KLRG2: variants seen among roughly 807,000 people sequenced by gnomAD.
KLRG2 encodes the protein killer cell lectin like receptor G2.
A neutral mutation model predicts 35.4 loss-of-function variants in KLRG2; 39 were observed. The ratio of observed to expected loss-of-function variants is 1.10; its 90% CI spans 0.85 to 1.44. The LOEUF (loss-of-function observed/expected upper bound fraction) is 1.44. Ranked by LOEUF, KLRG2 falls within the 40% of genes most tolerant of loss-of-function variation. The pLI is 0.00. For synonymous variants in KLRG2, 283 were observed against 265.8 expected (o/e 1.06, Z -0.63); for missense variants, 632 against 570.9 (o/e 1.11, Z -1.09).
chr7:139,434,934 CACA>C, the KLRG2 span, among the ~76,000 whole-genome samples: 1 of 152,166 alleles, frequency 6.6e-6, no homozygotes, highest in Non-Finnish European at 1.5e-5. Flanking sequence ...CTTCGTCCTT[CACA>C]ACAATAAATC....
chr7:139,438,214 G>T, the KLRG2 span, among the ~76,000 whole-genome samples: 1 of 152,204 alleles, frequency 6.6e-6, no homozygotes, highest in Admixed American at 6.6e-5. Context: ...AAACAAACGT[G>T]TATTGTTCAG....
At chr7:139,442,592 T>A in the KLRG2 span, among the ~76,000 whole-genome samples, 1 of 152,166 alleles carries the variant, frequency 6.6e-6, no homozygotes, top group African/African-American at 2.4e-5. Context: ...ATGCCTGTAA[T>A]CCCAGCACTT....
At chr7:139,440,533 A>T in the KLRG2 span, among the ~76,000 whole-genome samples, 1 of 149,996 alleles carries the variant, frequency 6.7e-6, no homozygotes, top group African/African-American at 2.5e-5. Context: ...TTGGGATTAC[A>T]GGTGTGAGCT....
chr7:139,480,186 T>A lies in KLRG2; in HGVS notation c.819A>T (p.Ala273=). The A allele has an allele frequency of 6.2e-7, 1 of 1,613,754 alleles. No homozygotes were observed. The change falls in exon 2 of 5, where the codon GCA becomes GCT. Residue 273 remains alanine, a synonymous_variant. Coordinates refer to ENST00000340940, the MANE Select transcript of KLRG2 (RefSeq NM_198508.4). ...WALAFMAVLL[A]VSGVVIVVLA... is the part of the protein sequence containing the mutation. ...GGACCACAATGACAACCCCAGAGAC[T>A]GCCAGGAGCACAGCCATGAACGCCA...
chr7:139,468,747 GT>G (rs1252899169), intron 3 of KLRG2, among the ~76,000 whole-genome samples: 3 of 152,226 alleles, frequency 2.0e-5, no homozygotes, highest in Non-Finnish European at 4.4e-5. Flanking sequence ...TTCCGTAAGT[GT>G]GACGGGATGA....
At chr7:139,479,556 T>G in intron 3 of KLRG2, 71 bp downstream of exon 3, 1 of 1,457,658 alleles carries the variant, frequency 6.9e-7, no homozygotes, top group South Asian at 1.2e-5. Context: ...ATCATTAAGC[T>G]TCTTTCCAGT....
At chr7:139,465,064 C>A (rs1249397848) in intron 3 of KLRG2, among the ~76,000 whole-genome samples, 1 of 152,178 alleles carries the variant, frequency 6.6e-6, no homozygotes, top group Non-Finnish European at 1.5e-5. Context: ...TCACCCTGAA[C>A]ACACTTGGTT....
In KLRG2 at chr7:139,482,876, G is replaced by A; in HGVS notation, c.757+10C>T. On this transcript the variant is annotated intron_variant, in intron 1 of 4. Transcript: ENST00000340940. ...GGCGGCGTCGGCTGCCGGCGCAGGT[G>A]AGCACTCACCCGTAAGCGTTACGGC... 1 of 1,435,274 alleles carries A rather than the reference G, an allele frequency of 7.0e-7. No homozygotes were observed. Among genetic ancestry groups the A allele is most frequent in the Non-Finnish European group, 9.1e-7 (1 of 1,103,624 alleles). The allele number at this position is 1,435,274 out of a possible 1,614,324, so 88.9% of individuals were successfully genotyped here.
At chr7:139,477,833 A>G (rs113267353) in intron 3 of KLRG2, among the ~76,000 whole-genome samples, 5 of 151,676 alleles carry the variant, frequency 3.3e-5, no homozygotes, top group African/African-American at 1.2e-4. Flanking sequence ...ATCTCGGCTC[A>G]CTGCAAGCTC....
At chr7:139,466,834 C>G (rs765010476) in intron 3 of KLRG2, among the ~76,000 whole-genome samples, 88 of 142,416 alleles carry the variant, frequency 6.2e-4, no homozygotes, top group Non-Finnish European at 1.0e-3. Context: ...TGGTATATGA[C>G]AACATAAAAA....
At chr7:139,482,792 G>C in intron 1 of KLRG2, 94 bp downstream of exon 1, 5 of 1,182,158 alleles carry the variant, frequency 4.2e-6, no homozygotes, top group Non-Finnish European at 3.3e-6. Context: ...TAGTCGGTCA[G>C]CTGCCCAGCG....
chr7:139,482,951 G>T lies in KLRG2; in HGVS notation c.692C>A (p.Ala231Glu). 1 of 1,475,772 alleles carries T rather than the reference G, an allele frequency of 6.8e-7. No homozygotes were observed. Among genetic ancestry groups the T allele is most frequent in the Non-Finnish European group, 8.9e-7 (1 of 1,124,444 alleles). 91.4% of individuals were successfully genotyped at this position (1,475,772 alleles called of 1,614,324 possible). ...CAACCCCGCGCGGGGCAACAGCGCCGCATCCTCCTTCTCCAGCCCCAGCTC... is the reference window on the plus strand; with the variant it reads ...CAACCCCGCGCGGGGCAACAGCGCCTCATCCTCCTTCTCCAGCCCCAGCTC... ...CKELGLEKED[A>E]ALLPRAGLDG... is the part of the protein sequence containing the mutation. Residue 231 changes from alanine (A) to glutamate (E), a missense_variant, in exon 1 of 5, where the codon GCG becomes GAG. Coordinates refer to ENST00000340940, the MANE Select transcript of KLRG2 (RefSeq NM_198508.4).
intron 3 of KLRG2, among the ~76,000 whole-genome samples, chr7:139,460,167 T>A (rs1796544690): frequency 6.6e-6 from 1 of 150,720 alleles, no homozygotes; most frequent in Non-Finnish European, 1.5e-5. Flanking sequence ...ATTACAGGCA[T>A]GAGCCACTGG....
intron 1 of KLRG2, among the ~76,000 whole-genome samples, chr7:139,482,478 C>T (rs539308500): frequency 1.8e-4 from 27 of 152,108 alleles, no homozygotes; most frequent in African/African-American, 5.5e-4. Context: ...CTGCAACCTC[C>T]GCTTCTCGGG....
intron 3 of KLRG2, among the ~76,000 whole-genome samples, chr7:139,471,832 T>C (rs2116464201): frequency 6.6e-6 from 1 of 152,288 alleles, no homozygotes; most frequent in South Asian, 2.1e-4. Flanking sequence ...TGTCACTCAT[T>C]GTCTGTCCCC....
In KLRG2 at chr7:139,453,726, G is replaced by C. The variant is rs141222198; in HGVS notation, c.1110-19C>G. On this transcript the variant is annotated intron_variant, in intron 4 of 4. Transcript: ENST00000340940. ...AGGGAGTCTGGGAAAGGATGGGAGG[G>C]GAAAGAGGAGAGGTGTTTAGGGTGC... is the stretch of plus-strand genomic sequence containing the variant. The C allele has an allele frequency of 6.2e-7, 1 of 1,613,754 alleles. No homozygotes were observed. Among genetic ancestry groups the C allele is most frequent in the African/African-American group, 1.3e-5 (1 of 75,024 alleles).
the KLRG2 span, among the ~76,000 whole-genome samples, chr7:139,432,446 T>TTATA: frequency 1.3e-5 from 2 of 152,126 alleles, no homozygotes; most frequent in Non-Finnish European, 2.9e-5. Context: ...AGAGTTTAAA[T>TTATA]TATATGCAGG....
At chr7:139,481,705 C>T (rs1318769807) in intron 1 of KLRG2, among the ~76,000 whole-genome samples, 1 of 152,142 alleles carries the variant, frequency 6.6e-6, no homozygotes, top group African/African-American at 2.4e-5. Flanking sequence ...GGCTGGATCA[C>T]CTGAGGTCAG....
chr7:139,461,740 C>G (rs1456027756), intron 3 of KLRG2, among the ~76,000 whole-genome samples: 1 of 152,096 alleles, frequency 6.6e-6, no homozygotes, highest in Admixed American at 6.5e-5. Context: ...ATAAAGCTGC[C>G]CCACCCTTAT....
Sources: allele counts gnomAD v4.1 joint callset (sites outside exome capture counted in the v4.1 genomes callset), GRCh38; gene constraint gnomAD v4.1.1; transcripts MANE v1.5; gene names NCBI Gene and HGNC (gene_info 2026-07-23, HGNC 2026-07-21).